Variants in PTCHD4 observed in about 807,000 individuals in gnomAD.
The protein encoded by PTCHD4 is patched domain containing 4.
A neutral mutation model predicts 58.1 loss-of-function variants in PTCHD4; 33 were observed. The observed-to-expected ratio is 0.57, with a 90% CI of 0.43 to 0.76. The LOEUF (loss-of-function observed/expected upper bound fraction) is 0.76, where lower values mean the gene tolerates loss of function less well. Among genes scored for constraint, PTCHD4 ranks in the 30% least tolerant of loss-of-function variants. PTCHD4 has a pLI of 0.00. For missense variants in PTCHD4, 1,058 were observed against 1,027.1 expected, an observed-to-expected ratio of 1.03 and a Z score of -0.41; for synonymous variants, 478 against 409.6, an observed-to-expected ratio of 1.17 and a Z score of -2.02.
intron 4 of PTCHD4, among the ~76,000 whole-genome samples, chr6:47,947,176 T>C (rs1766455991): frequency 6.6e-6 from 1 of 152,066 alleles, no homozygotes; most frequent in Non-Finnish European, 1.5e-5. Context: ...AATGTTTATG[T>C]GCATATTTAA....
At chr6:48,083,806 C>A (rs368146513) in intron 1 of PTCHD4, among the ~76,000 whole-genome samples, 3 of 152,120 alleles carry the variant, frequency 2.0e-5, no homozygotes, top group East Asian at 3.9e-4. Context: ...AGTTATACAA[C>A]CACAAGAAAT....
At position 47,857,147 on chromosome 6, in the gene PTCHD4, A is replaced by T. The variant is rs374537554; in HGVS notation, c.*21156T>A. Among the ~76,000 whole-genome samples, 2 of 152,180 alleles carry T rather than the reference A, an allele frequency of 1.3e-5. No individual in the cohort carries two copies. Among genetic ancestry groups the T allele is most frequent in the East Asian group, 3.9e-4 (2 of 5,164 alleles). On this transcript the variant is annotated 3_prime_UTR_variant, in exon 5 of 5. Coordinates refer to ENST00000339488, the MANE Select transcript of PTCHD4 (RefSeq NM_001384253.1). ...TTACTTATGATCAGTGTTGCTTTAC[A>T]TGTTTTCAGAATAATCACTGTTTCT...
chr6:48,014,735 A>G (rs1762809152), intron 3 of PTCHD4, among the ~76,000 whole-genome samples: 1 of 152,160 alleles, frequency 6.6e-6, no homozygotes, highest in Non-Finnish European at 1.5e-5. Flanking sequence ...GATTATTTGT[A>G]TAATTGATAA....
At chr6:48,044,409 G>A (rs1763960173) in intron 3 of PTCHD4, among the ~76,000 whole-genome samples, 1 of 151,828 alleles carries the variant, frequency 6.6e-6, no homozygotes, top group Non-Finnish European at 1.5e-5. Flanking sequence ...TGCAGTTGTA[G>A]ATGCAACATT....
chr6:47,915,905 C>T (rs1765228297), intron 4 of PTCHD4, among the ~76,000 whole-genome samples: 1 of 152,044 alleles, frequency 6.6e-6, no homozygotes, highest in Admixed American at 6.6e-5. Context: ...TGAGGATGGA[C>T]TGGGTGGTGA....
At chr6:48,041,338 A>C (rs1325862547) in intron 3 of PTCHD4, among the ~76,000 whole-genome samples, 4 of 152,012 alleles carry the variant, frequency 2.6e-5, no homozygotes, top group Non-Finnish European at 5.9e-5. Context: ...AAATAACCCA[A>C]CTTCAAACAC....
chr6:48,013,989 G>A (rs903223172), intron 3 of PTCHD4, among the ~76,000 whole-genome samples: 1 of 151,940 alleles, frequency 6.6e-6, no homozygotes, highest in East Asian at 1.9e-4. Context: ...ATTGAGTTTG[G>A]CTAGCTGCTA....
chr6:47,942,578 T>C (rs1327105867), intron 4 of PTCHD4, among the ~76,000 whole-genome samples: 2 of 152,136 alleles, frequency 1.3e-5, no homozygotes, highest in African/African-American at 4.8e-5. Context: ...AAGTTCAAGT[T>C]TGGGAAAATT....
chr6:48,057,115 A>T (rs189868773), intron 3 of PTCHD4, among the ~76,000 whole-genome samples: 7 of 152,152 alleles, frequency 4.6e-5, no homozygotes, highest in Admixed American at 4.6e-4. Flanking sequence ...AGCTGAAGCC[A>T]CATGGGTGCT....
intron 4 of PTCHD4, among the ~76,000 whole-genome samples, chr6:47,914,498 T>C (rs1486399844): frequency 6.6e-6 from 1 of 152,018 alleles, no homozygotes; most frequent in Non-Finnish European, 1.5e-5. Context: ...TCTCCTATAC[T>C]TGGACTTGAA....
intron 4 of PTCHD4, among the ~76,000 whole-genome samples, chr6:47,912,903 T>C (rs1536812): frequency 0.051 from 7,804 of 152,248 alleles, 232 homozygotes; most frequent in East Asian, 0.078. Flanking sequence ...TTTAAAATGT[T>C]CTTTTTAGTC....
At chr6:47,882,910 T>G (rs908538578) in intron 4 of PTCHD4, among the ~76,000 whole-genome samples, 2 of 151,460 alleles carry the variant, frequency 1.3e-5, no homozygotes, top group Non-Finnish European at 2.9e-5. Context: ...TTATCTTACT[T>G]TTATACTCTG....
chr6:47,972,886 T>C (rs1767569972), intron 4 of PTCHD4, among the ~76,000 whole-genome samples: 2 of 152,220 alleles, frequency 1.3e-5, no homozygotes, highest in Non-Finnish European at 1.5e-5. Context: ...CTTTAGAGTC[T>C]TGAAATTGAA....
At chr6:47,897,940 CTTTTTTTTTTT>C (rs67063892) in intron 4 of PTCHD4, among the ~76,000 whole-genome samples, 2 of 76,356 alleles carry the variant, frequency 2.6e-5, no homozygotes, top group South Asian at 5.9e-4. Context: ...TTCTTTCTTT[CTTTTTTTTTTT>C]TTTTTTTTTT....
At chr6:47,954,961 G>T (rs2113955042) in intron 4 of PTCHD4, among the ~76,000 whole-genome samples, 1 of 152,300 alleles carries the variant, frequency 6.6e-6, no homozygotes, top group African/African-American at 2.4e-5. Context: ...CATGGAAAGG[G>T]TAGGTGTTTT....
In PTCHD4 at chr6:48,059,125, C is replaced by T. The variant is rs564571893; in HGVS notation, c.417+9105G>A. 2.6e-5 allele frequency among the ~76,000 whole-genome samples: 4 copies of T among 152,308 alleles called. No individual in the cohort carries two copies. The South Asian group carries it at 8.3e-4, about 32-fold the overall frequency. On this transcript the variant is annotated intron_variant, in intron 3 of 4. Transcript: ENST00000339488. ...CTAAGCACCTTATAATCTTCCTACT[C>T]AGAGTGTGGATCATGTACCAGCACC... is the stretch of plus-strand genomic sequence containing the variant.
At chr6:47,977,543 T>C (rs1361311474) in intron 4 of PTCHD4, among the ~76,000 whole-genome samples, 1 of 152,162 alleles carries the variant, frequency 6.6e-6, no homozygotes, top group Non-Finnish European at 1.5e-5. Flanking sequence ...CCTGCCCCAG[T>C]TGAAATTTGA....
chr6:48,077,901 C>T (rs1228202857), intron 1 of PTCHD4, among the ~76,000 whole-genome samples: 1 of 152,124 alleles, frequency 6.6e-6, no homozygotes, highest in Non-Finnish European at 1.5e-5. Flanking sequence ...CCACTGATCA[C>T]AGATCATCTT....
At chr6:47,964,536 A>G (rs142754478) in intron 4 of PTCHD4, among the ~76,000 whole-genome samples, 2,586 of 152,296 alleles carry the variant, frequency 0.017, 38 homozygotes, top group South Asian at 0.046. Flanking sequence ...AATTTCTACC[A>G]TAGACTGACG....
Sources: gnomAD v4.1 joint callset for allele counts (sites outside exome capture counted in the v4.1 genomes callset) on GRCh38, gnomAD v4.1.1 for gene constraint, MANE v1.5 for transcripts, NCBI Gene and HGNC (gene_info 2026-07-23, HGNC 2026-07-21) for gene names.